Variants in NPAS3 observed in about 807,000 individuals in gnomAD.
The protein encoded by NPAS3 is neuronal PAS domain-containing protein 3.
In NPAS3, 14 loss-of-function variants were observed where a neutral mutation model predicts 73.1. The observed-to-expected ratio is 0.19, with a 90% CI of 0.13 to 0.30. NPAS3 has a LOEUF of 0.30. NPAS3 is among the 10% of genes least tolerant of loss of function. NPAS3 has a pLI of 1.00. For synonymous variants in NPAS3, 620 were observed against 541.5 expected (o/e 1.14, Z -2.01); for missense variants, 1,096 against 1,250.0 (o/e 0.88, Z 1.86).
chr14:33,040,746 G>T (rs2040323412), intron 1 of NPAS3, among the ~76,000 whole-genome samples: 1 of 152,130 alleles, frequency 6.6e-6, no homozygotes. Flanking sequence ...CTTCTAACCT[G>T]TCACTTTGCT....
At chr14:33,094,178 G>A (rs905504155) in intron 2 of NPAS3, among the ~76,000 whole-genome samples, 1 of 151,708 alleles carries the variant, frequency 6.6e-6, no homozygotes, top group African/African-American at 2.4e-5. Context: ...CACACTTTTG[G>A]GGGGAAAACC....
chr14:33,417,252 ATAG>A (rs2048185511), intron 4 of NPAS3, among the ~76,000 whole-genome samples: 1 of 152,182 alleles, frequency 6.6e-6, no homozygotes, highest in South Asian at 2.1e-4. Context: ...TATTTATGAA[ATAG>A]TAGTTTTGAA....
intron 2 of NPAS3, among the ~76,000 whole-genome samples, chr14:33,187,969 A>T (rs1250908290): frequency 6.6e-6 from 1 of 152,140 alleles, no homozygotes; most frequent in Non-Finnish European, 1.5e-5. Flanking sequence ...GCAGAACATG[A>T]TATTAATTCC....
intron 4 of NPAS3, among the ~76,000 whole-genome samples, chr14:33,391,642 T>A (rs2047010453): frequency 1.3e-5 from 2 of 152,028 alleles, no homozygotes. Flanking sequence ...AAAGAGAGAG[T>A]GTGTGTGAAC....
chr14:33,579,729 T>G (rs1038683587), intron 5 of NPAS3, among the ~76,000 whole-genome samples: 2 of 152,172 alleles, frequency 1.3e-5, no homozygotes, highest in African/African-American at 4.8e-5. Context: ...CAAGTTCGCC[T>G]TAAATTGGGA....
intron 7 of NPAS3, among the ~76,000 whole-genome samples, chr14:33,740,642 G>A (rs1223078887): frequency 1.3e-5 from 2 of 152,168 alleles, no homozygotes; most frequent in Non-Finnish European, 2.9e-5. Context: ...TGCCTACAAG[G>A]ATATTGCAAA....
chr14:33,694,927 T>C (rs1417143333), intron 6 of NPAS3, among the ~76,000 whole-genome samples: 1 of 152,200 alleles, frequency 6.6e-6, no homozygotes, highest in Non-Finnish European at 1.5e-5. Flanking sequence ...CATGTACATC[T>C]CCTACCATCA....
At chr14:33,185,146 C>T (rs992776007) in intron 2 of NPAS3, among the ~76,000 whole-genome samples, 2 of 152,230 alleles carry the variant, frequency 1.3e-5, no homozygotes, top group South Asian at 4.1e-4. Flanking sequence ...TTTCAGGATT[C>T]TTATCGTGAA....
At chr14:33,645,014 G>T (rs1025256643) in intron 5 of NPAS3, among the ~76,000 whole-genome samples, 5 of 150,838 alleles carry the variant, frequency 3.3e-5, no homozygotes, top group African/African-American at 1.2e-4. Context: ...CCGGAAGGTG[G>T]AGGTTGCAAT....
At chr14:33,691,115 A>T (rs979645451) in intron 6 of NPAS3, among the ~76,000 whole-genome samples, 1 of 152,246 alleles carries the variant, frequency 6.6e-6, no homozygotes, top group African/African-American at 2.4e-5. Flanking sequence ...AAACATAAAC[A>T]ATCAGACAGT....
intron 6 of NPAS3, among the ~76,000 whole-genome samples, chr14:33,733,421 G>C (rs2061447759): frequency 6.6e-6 from 1 of 151,994 alleles, no homozygotes; most frequent in Non-Finnish European, 1.5e-5. Context: ...GAACTGCACG[G>C]CTGACTGACA....
intron 4 of NPAS3, among the ~76,000 whole-genome samples, chr14:33,448,687 T>C (rs1199709377): frequency 6.6e-6 from 1 of 152,218 alleles, no homozygotes; most frequent in Non-Finnish European, 1.5e-5. Context: ...TTTATCATAA[T>C]GAGGAACATC....
At chr14:33,126,023 C>T (rs1256569747) in intron 2 of NPAS3, among the ~76,000 whole-genome samples, 2 of 152,152 alleles carry the variant, frequency 1.3e-5, no homozygotes, top group Admixed American at 6.6e-5. Flanking sequence ...GAAGAGCCGC[C>T]ATTTAGCCTT....
intron 6 of NPAS3, among the ~76,000 whole-genome samples, chr14:33,693,984 T>C (rs920176218): frequency 2.6e-5 from 4 of 152,186 alleles, no homozygotes; most frequent in Non-Finnish European, 5.9e-5. Context: ...ATTCACACAA[T>C]TCCTCAGGGG....
At chr14:33,606,258 G>A (rs1002821012) in intron 5 of NPAS3, among the ~76,000 whole-genome samples, 10 of 123,354 alleles carry the variant, frequency 8.1e-5, no homozygotes, top group Non-Finnish European at 1.2e-4. Flanking sequence ...AGAGTGTGAT[G>A]TTCCCCTTCC....
intron 1 of NPAS3, among the ~76,000 whole-genome samples, chr14:33,037,018 T>C (rs1163185671): frequency 1.3e-5 from 2 of 152,170 alleles, no homozygotes; most frequent in Non-Finnish European, 2.9e-5. Context: ...TAGATTTTTG[T>C]TTGGAAATTG....
intron 5 of NPAS3, among the ~76,000 whole-genome samples, chr14:33,667,562 T>C (rs546270386): frequency 6.6e-6 from 1 of 152,354 alleles, no homozygotes; most frequent in South Asian, 2.1e-4. Flanking sequence ...CAGTTGTGAA[T>C]TTAACTTATT....
At chr14:33,054,194 C>A (rs2040805501) in intron 1 of NPAS3, among the ~76,000 whole-genome samples, 1 of 152,112 alleles carries the variant, frequency 6.6e-6, no homozygotes, top group African/African-American at 2.4e-5. Flanking sequence ...TTTTATATCT[C>A]TTGCTTTCTT....
chr14:33,155,616 A>T (rs2044618334), intron 2 of NPAS3, among the ~76,000 whole-genome samples: 2 of 152,182 alleles, frequency 1.3e-5, no homozygotes, highest in South Asian at 4.1e-4. Context: ...AGAGATATGA[A>T]TATAAACCAG....
Sources: gnomAD v4.1 joint callset for allele counts (sites outside exome capture counted in the v4.1 genomes callset) on GRCh38, gnomAD v4.1.1 for gene constraint, MANE v1.5 for transcripts, NCBI Gene and HGNC (gene_info 2026-07-23, HGNC 2026-07-21) for gene names.